Variants in TP73 observed in about 807,000 individuals in gnomAD.
TP73 encodes p53-like transcription factor.
Under a neutral mutation model 62.5 loss-of-function variants are expected in TP73, and 25 were observed. That is an observed-to-expected ratio of 0.40 (90% CI 0.29 to 0.56). The LOEUF is 0.56. TP73 is among the 20% of genes least tolerant of loss of function. The pLI is 0.46. For missense variants in TP73, 754 were observed against 913.3 expected (o/e 0.83, Z 2.25); for synonymous variants, 423 against 377.5 (o/e 1.12, Z -1.40).
intron 1 of TP73, among the ~76,000 whole-genome samples, chr1:3,673,261 G>C (rs993230992): frequency 1.3e-5 from 2 of 152,164 alleles, no homozygotes; most frequent in African/African-American, 4.8e-5. Context: ...GAAGGAGCCA[G>C]GGACCCGGCA....
In TP73 at chr1:3,701,838, A is replaced by C. The variant is rs1639195872; in HGVS notation, c.187-5711A>C. On this transcript the variant is annotated intron_variant, in intron 3 of 13. Coordinates refer to ENST00000378295, the MANE Select transcript of TP73 (RefSeq NM_005427.4). This position sits in a 1 kb window ranked among gnomAD's most constrained non-coding sequence, Gnocchi z 4.7. The stretch of plus-strand genomic sequence containing the variant: ...CATGTTGATTTCATCCCCACTCTGC[A>C]GATGAGAAAACGAAGACCTAGGGAG... Among the ~76,000 whole-genome samples the C allele has an allele frequency of 6.6e-6, 1 of 152,178 alleles. No individual in the cohort carries two copies. The highest frequency in any genetic ancestry group is 1.5e-5 in the Non-Finnish European group (1 of 68,038).
In TP73 at chr1:3,683,192, G is replaced by A. The variant is rs371016737; in HGVS notation, c.186+12G>A. 9 of 1,597,800 alleles carry A rather than the reference G, an allele frequency of 5.6e-6. No homozygotes were observed. The highest frequency in any genetic ancestry group is 5.4e-5 in the African/African-American group (4 of 74,722). On this transcript the variant is annotated intron_variant, in intron 3 of 13. Transcript: ENST00000378295. ...CTACATCTGTCATGGTGAGTGGGGG[G>A]GCTGCCCTCTGCAAGAGGACTGGAG... is the stretch of plus-strand genomic sequence containing the variant.
rs189671011 is a variant in TP73 at position 3,663,409 on chromosome 1, C to T, written c.-34+10768C>T. Among the ~76,000 whole-genome samples the T allele has an allele frequency of 7.9e-5, 12 of 152,236 alleles. No individual in the cohort carries two copies. The East Asian group carries it at 1.2e-3, about 15-fold the overall frequency. The stretch of plus-strand genomic sequence containing the variant: ...CTGGGTTTGTGGGGTGTGGACAGCA[C>T]GGAGCGTGATGAAAGGATACAGGCG... On this transcript the variant is annotated intron_variant, in intron 1 of 13. Transcript: ENST00000378295. This position sits in a 1 kb window ranked among gnomAD's most constrained non-coding sequence, Gnocchi z 4.7.
At position 3,716,919 on chromosome 1, in the gene TP73, C is replaced by A. The variant is rs1252621017; in HGVS notation, c.430-5102C>A. On this transcript the variant is annotated intron_variant, in intron 4 of 13. Coordinates refer to ENST00000378295, the MANE Select transcript of TP73 (RefSeq NM_005427.4). ...GGGTGGGCTCAAAGAGGCCCGTAAC[C>A]CCAGAGAGGAGAGAGATGCACCCCT... Among the ~76,000 whole-genome samples the A allele has an allele frequency of 2.0e-5, 3 of 152,064 alleles. No individual in the cohort carries two copies. In the East Asian group the frequency reaches 5.8e-4, roughly 29 times the overall value.
intron 13 of TP73, among the ~76,000 whole-genome samples, chr1:3,732,185 C>T (rs955221553): frequency 2.6e-5 from 4 of 152,214 alleles, no homozygotes; most frequent in East Asian, 1.9e-4. Flanking sequence ...GTCCAAGGCC[C>T]GTCCCAGACC....
In TP73 at chr1:3,683,121, G is replaced by T; in HGVS notation, c.127G>T (p.Gly43Cys). 2.5e-6 allele frequency: 4 copies of T among 1,612,762 alleles called. No individual in the cohort carries two copies. The highest frequency in any genetic ancestry group is 3.4e-6 in the Non-Finnish European group (4 of 1,179,138). The stretch of plus-strand genomic sequence containing the variant: ...AAGCCGGGGGAATAATGAGGTGGTG[G>T]GCGGAACGGATTCCAGCATGGACGT... ...QSSRGNNEVV[G>C]GTDSSMDVFH... Residue 43 changes from glycine (G) to cysteine (C), a missense_variant, in exon 3 of 14, where the codon GGC becomes TGC. By Grantham distance (159) the Gly-to-Cys change is radical. This residue lies in a region of TP73 where 235 missense variants were observed against 251.4 expected (regional missense o/e 0.93). Coordinates refer to ENST00000378295, the MANE Select transcript of TP73 (RefSeq NM_005427.4).
At chr1:3,655,761 C>G (rs80029032) in intron 1 of TP73, among the ~76,000 whole-genome samples, 130 of 152,306 alleles carry the variant, frequency 8.5e-4, no homozygotes, top group Middle Eastern at 3.4e-3. Flanking sequence ...CTGGCAACAT[C>G]CACTCGTGTA....
At chr1:3,677,998 C>A (rs1252400932) in intron 1 of TP73, among the ~76,000 whole-genome samples, 1 of 152,188 alleles carries the variant, frequency 6.6e-6, no homozygotes, top group East Asian at 1.9e-4. Context: ...AACCACTGCA[C>A]CCAGCCCATC....
intron 11 of TP73, 21 bp downstream of exon 11, chr1:3,730,169 G>GGGCCCACGGGCAGGGCGGGGA: frequency 9.3e-6 from 14 of 1,512,350 alleles, no homozygotes; most frequent in Non-Finnish European, 1.2e-5. Context: ...TGGGCAGTGC[G>GGGCCCACGGGCAGGGCGGGGA]GGCCCACGGG....
At chr1:3,726,788 G>C (rs1290696408) in intron 6 of TP73, among the ~76,000 whole-genome samples, 1 of 148,868 alleles carries the variant, frequency 6.7e-6, no homozygotes, top group Non-Finnish European at 1.5e-5. Flanking sequence ...GTAGGTGGAT[G>C]GATGGGTAGA....
intron 1 of TP73, among the ~76,000 whole-genome samples, chr1:3,657,556 C>G (rs1364150891): frequency 6.6e-6 from 1 of 152,228 alleles, no homozygotes; most frequent in Non-Finnish European, 1.5e-5. Flanking sequence ...ACTAGAGTGG[C>G]TATGTTTCAG....
In TP73 at chr1:3,733,029, G is replaced by A; in HGVS notation, c.1861G>A (p.Ala621Thr). Reference sequence around the variant, plus strand: ...CGGCTTCGACCTGCCCGACTGCAAGGCCCGCAAGCAGCCCATCAAGGAGGA... The same window carrying A: ...CGGCTTCGACCTGCCCGACTGCAAGACCCGCAAGCAGCCCATCAAGGAGGA... The part of the protein sequence containing the change: ...DFGFDLPDCK[A>T]RKQPIKEEFT... The change falls in exon 14 of 14, where the codon GCC (alanine) becomes ACC (threonine). Residue 621 changes from alanine (A) to threonine (T), a missense_variant. Coordinates refer to ENST00000378295, the MANE Select transcript of TP73 (RefSeq NM_005427.4). The A allele has an allele frequency of 6.5e-7, 1 of 1,550,048 alleles. No homozygotes were observed. The highest frequency in any genetic ancestry group is 1.9e-5 in the Admixed American group (1 of 52,448).
chr1:3,698,861 G>A (rs925853884), intron 3 of TP73, among the ~76,000 whole-genome samples: 1 of 152,230 alleles, frequency 6.6e-6, no homozygotes, highest in Non-Finnish European at 1.5e-5. Flanking sequence ...GACGGGCTCA[G>A]CCGCTGCGGG....
At chr1:3,721,975 G>A (rs780831190) in intron 4 of TP73, 46 bp from the exon 5 acceptor site, 2 of 1,545,698 alleles carry the variant, frequency 1.3e-6, no homozygotes, top group East Asian at 2.3e-5. Context: ...GGACAGGGGT[G>A]CAGTTGGGAC....
In TP73 at chr1:3,733,135, TCTC is replaced by T. The variant is rs1454137653; in HGVS notation, c.*59_*61del. The T allele has an allele frequency of 4.6e-5, 68 of 1,471,308 alleles. No homozygotes were observed. Among genetic ancestry groups the T allele is most frequent in the Non-Finnish European group, 5.7e-5 (63 of 1,107,322 alleles). 91.1% of individuals were successfully genotyped at this position (1,471,308 alleles called of 1,614,324 possible). ...GCCCAGAGACCCAAGCTGCCTCCCC[TCTC>T]CTTCCTGTGTGTCCAAAACTGCCTC... On this transcript the variant is annotated 3_prime_UTR_variant, in exon 14 of 14. Coordinates refer to ENST00000378295, the MANE Select transcript of TP73 (RefSeq NM_005427.4).
Position 3,732,886 on chromosome 1 carries a change from G to C in TP73, c.1718G>C (p.Gly573Ala). Residue 573 changes from glycine to alanine, a missense_variant, in exon 14 of 14, where the codon GGC (glycine) becomes GCC (alanine). Coordinates refer to ENST00000378295, the MANE Select transcript of TP73 (RefSeq NM_005427.4). ...AACGCGGCCACCATCTCCATCGGCG[G>C]CTCAGGGGAACTGCAGCGCCAGCGG... is the stretch of plus-strand genomic sequence containing the variant. ...SSNAATISIG[G>A]SGELQRQRVM... 1 of 1,611,492 alleles carries C rather than the reference G, an allele frequency of 6.2e-7. No individual in the cohort carries two copies. The highest frequency in any genetic ancestry group is 2.2e-5 in the East Asian group (1 of 44,864).
At chr1:3,684,347 T>C (rs922263247) in intron 3 of TP73, among the ~76,000 whole-genome samples, 1 of 152,190 alleles carries the variant, frequency 6.6e-6, no homozygotes, top group South Asian at 2.1e-4. Flanking sequence ...CCCTCACTTA[T>C]GCTCAGCCCG....
chr1:3,660,230 C>G (rs897617090), intron 1 of TP73, among the ~76,000 whole-genome samples: 6 of 152,176 alleles, frequency 3.9e-5, no homozygotes, highest in African/African-American at 1.4e-4. Context: ...TCAAGGTTCC[C>G]AACGTATTCT....
At chr1:3,673,987 C>A (rs1645302904) in intron 1 of TP73, among the ~76,000 whole-genome samples, 1 of 152,176 alleles carries the variant, frequency 6.6e-6, no homozygotes, top group South Asian at 2.1e-4. Context: ...CCACCCTGAC[C>A]AGCTGTGTGC....
Sources: allele counts gnomAD v4.1 joint callset (sites outside exome capture counted in the v4.1 genomes callset), GRCh38; gene constraint gnomAD v4.1.1; regional missense constraint gnomAD v4.1.1; non-coding constraint Gnocchi (gnomAD v3.1); transcripts MANE v1.5; gene names NCBI Gene and HGNC (gene_info 2026-07-23, HGNC 2026-07-21).